LARGE1: variants seen among roughly 807,000 people sequenced by gnomAD.
LARGE1 encodes the protein LARGE xylosyl- and glucuronyltransferase 1.
LARGE1 carries 43 observed loss-of-function variants against 87.6 expected under a neutral mutation model. The ratio of observed to expected loss-of-function variants is 0.49; its 90% CI spans 0.38 to 0.63. The LOEUF (loss-of-function observed/expected upper bound fraction) is 0.63. Ranked by LOEUF, LARGE1 falls within the 30% of genes least tolerant of loss-of-function variation. The probability of loss-of-function intolerance (pLI) is 0.00; values close to 1 mark genes in which losing one functional copy is unlikely to be tolerated. For synonymous variants in LARGE1, 434 were observed against 394.6 expected, an observed-to-expected ratio of 1.10 and a Z score of -1.18; for missense variants, 802 against 1,000.2, an observed-to-expected ratio of 0.80 and a Z score of 2.67.
chr22:33,449,781 C>G (rs7284205), intron 6 of LARGE1, among the ~76,000 whole-genome samples: 50,355 of 152,142 alleles, frequency 0.33, 9,064 homozygotes, highest in African/African-American at 0.46. Context: ...AGCCCACTTT[C>G]AAAAGAAAGT....
At chr22:33,174,303 G>C (rs1407845517) in intron 11 of LARGE1, among the ~76,000 whole-genome samples, 5 of 151,970 alleles carry the variant, frequency 3.3e-5, no homozygotes, top group African/African-American at 1.2e-4. Context: ...TGAGAACAAA[G>C]ACACAACATA....
Position 33,337,577 on chromosome 22 carries a change from A to G in LARGE1, c.1287+69T>C, listed in dbSNP as rs1267097367. 5.1e-6 allele frequency: 8 copies of G among 1,581,020 alleles called. No homozygotes were observed. The African/African-American group carries it at 9.4e-5, about 19-fold the overall frequency. On this transcript the variant is annotated intron_variant, in intron 10 of 14. Coordinates refer to ENST00000397394, the MANE Select transcript of LARGE1 (RefSeq NM_133642.5). ...CCATGAGCCTGACATAGAGCCTGGC[A>G]TGGGGGAGGTCCTTGATGGATGAGC...
intron 1 of LARGE1, among the ~76,000 whole-genome samples, chr22:33,767,428 C>T (rs2145785790): frequency 6.7e-6 from 1 of 148,748 alleles, no homozygotes; most frequent in South Asian, 2.1e-4. Flanking sequence ...CATATATATG[C>T]ATGTATATAT....
chr22:33,413,492 T>A (rs1045313595), intron 7 of LARGE1, among the ~76,000 whole-genome samples: 1 of 151,748 alleles, frequency 6.6e-6, no homozygotes, highest in Non-Finnish European at 1.5e-5. Context: ...TTAGAAGGAG[T>A]CTTGCTCTGT....
At chr22:33,727,231 C>T (rs764875157) in intron 2 of LARGE1, among the ~76,000 whole-genome samples, 5 of 152,182 alleles carry the variant, frequency 3.3e-5, no homozygotes, top group Non-Finnish European at 7.3e-5. Flanking sequence ...AAATGTCAGA[C>T]TGTGCCAAGG....
intron 4 of LARGE1, among the ~76,000 whole-genome samples, chr22:33,623,708 A>C (rs1202838670): frequency 6.8e-6 from 1 of 146,106 alleles, no homozygotes; most frequent in African/African-American, 2.5e-5. Flanking sequence ...ACTGATTTAA[A>C]AAAAAAAAAA....
intron 3 of LARGE1, among the ~76,000 whole-genome samples, chr22:33,642,733 A>C (rs2080480464): frequency 6.7e-6 from 1 of 149,344 alleles, no homozygotes; most frequent in Non-Finnish European, 1.5e-5. Context: ...AAAAAAAAAA[A>C]AAGGCAGGAG....
chr22:33,444,461 G>A lies in LARGE1; in HGVS notation c.788-12196C>T, dbSNP rs145463138. Among the ~76,000 whole-genome samples, 1,475 of 152,024 alleles carry A rather than the reference G, an allele frequency of 9.7e-3. 25 individuals carry two copies. Among genetic ancestry groups the A allele is most frequent in the African/African-American group, 0.033 (1,356 of 41,452 alleles). ...GGCTGGAGTGCAGTGGCATGATCTC[G>A]GCTCACTCAGAACAGCTACTGATGA... On this transcript the variant is annotated intron_variant, in intron 6 of 14. Coordinates refer to ENST00000397394, the MANE Select transcript of LARGE1 (RefSeq NM_133642.5).
intron 3 of LARGE1, among the ~76,000 whole-genome samples, chr22:33,637,213 C>G (rs1374190754): frequency 2.0e-5 from 3 of 152,220 alleles, no homozygotes; most frequent in Admixed American, 6.5e-5. Context: ...CTTGACTCAT[C>G]ATCTGGGCTG....
At chr22:33,373,844 C>T (rs7291320) in intron 9 of LARGE1, among the ~76,000 whole-genome samples, 13,842 of 151,792 alleles carry the variant, frequency 0.091, 1,015 homozygotes, top group African/African-American at 0.21. Flanking sequence ...TGTGGTGGCA[C>T]GCGCTTGTAG....
chr22:33,483,759 A>C lies in LARGE1; in HGVS notation c.788-51494T>G, dbSNP rs145531822. On this transcript the variant is annotated intron_variant, in intron 6 of 14. Coordinates refer to ENST00000397394, the MANE Select transcript of LARGE1 (RefSeq NM_133642.5). ...CTCTGTTAAACTGATGGAGGCAGGA[A>C]AGTGGGCCACTGGCTTGTAGAATTT... Among the ~76,000 whole-genome samples the C allele has an allele frequency of 3.0e-3, 455 of 152,314 alleles. 3 individuals carry two copies. Among genetic ancestry groups the C allele is most frequent in the South Asian group, 0.021 (100 of 4,832 alleles).
At chr22:33,684,450 A>C (rs2081882859) in intron 2 of LARGE1, among the ~76,000 whole-genome samples, 1 of 151,990 alleles carries the variant, frequency 6.6e-6, no homozygotes, top group Non-Finnish European at 1.5e-5. Flanking sequence ...TAGAAGAGAA[A>C]ATCCCATAGA....
chr22:33,901,309 A>C (rs1265983663), intron 1 of LARGE1, among the ~76,000 whole-genome samples: 2 of 152,076 alleles, frequency 1.3e-5, no homozygotes, highest in Non-Finnish European at 2.9e-5. Flanking sequence ...CTGTGAGACA[A>C]TTAATGTCTG....
At chr22:33,283,832 GAAAGA>G (rs140589002) in intron 12 of LARGE1, among the ~76,000 whole-genome samples, 4,359 of 130,448 alleles carry the variant, frequency 0.033, 257 homozygotes, top group African/African-American at 0.12. Flanking sequence ...GAAAAGAAAG[GAAAGA>G]AAAGAAAAGA....
intron 1 of LARGE1, among the ~76,000 whole-genome samples, chr22:33,813,408 CA>C (rs1394892260): frequency 6.6e-6 from 1 of 152,078 alleles, no homozygotes; most frequent in Non-Finnish European, 1.5e-5. Flanking sequence ...AGACCAGAAA[CA>C]AAACATAGTT....
At chr22:33,332,288 T>G (rs1937822326) in intron 10 of LARGE1, among the ~76,000 whole-genome samples, 1 of 152,116 alleles carries the variant, frequency 6.6e-6, no homozygotes, top group Admixed American at 6.5e-5. Flanking sequence ...GATCTGATGG[T>G]TTTATAAGGG....
chr22:33,784,999 A>G (rs2085561363), intron 1 of LARGE1, among the ~76,000 whole-genome samples: 1 of 150,382 alleles, frequency 6.6e-6, no homozygotes, highest in Non-Finnish European at 1.5e-5. Flanking sequence ...GTACGTGTAT[A>G]TACATATATG....
At chr22:33,186,734 C>A (rs983624419) in intron 11 of LARGE1, among the ~76,000 whole-genome samples, 3 of 151,940 alleles carry the variant, frequency 2.0e-5, no homozygotes, top group Non-Finnish European at 2.9e-5. Context: ...AAATCAAAAA[C>A]AAAGTAAAGT....
intron 9 of LARGE1, among the ~76,000 whole-genome samples, chr22:33,350,657 A>G (rs568809340): frequency 6.6e-6 from 1 of 152,188 alleles, no homozygotes; most frequent in Non-Finnish European, 1.5e-5. Context: ...GCTGCTTGGA[A>G]ACCCTGGGAG....
Sources: gnomAD v4.1 joint callset for allele counts (sites outside exome capture counted in the v4.1 genomes callset) on GRCh38, gnomAD v4.1.1 for gene constraint, MANE v1.5 for transcripts, NCBI Gene and HGNC (gene_info 2026-07-23, HGNC 2026-07-21) for gene names.